Variants in NBPF11 observed in about 807,000 individuals in gnomAD.
NBPF11 encodes the protein NBPF family member NBPF11.
A neutral mutation model predicts 93.9 loss-of-function variants in NBPF11; 72 were observed. The observed-to-expected ratio is 0.77, with a 90% CI of 0.63 to 0.93. The LOEUF is 0.93. Among genes scored for constraint, NBPF11 ranks in the 40% least tolerant of loss-of-function variants. NBPF11 has a pLI of 0.00. For missense variants in NBPF11, 705 were observed against 802.2 expected (o/e 0.88, Z 1.46); for synonymous variants, 224 against 304.9 (o/e 0.73, Z 2.76).
rs1662814323 is a variant in NBPF11 at position 148,103,677 on chromosome 1, G to A, written c.*219C>T. 4.6e-5 allele frequency: 74 copies of A among 1,611,194 alleles called. 1 individual carries two copies. In the South Asian group the frequency reaches 7.3e-4, roughly 16 times the overall value. ...GGCTTAGTAAGGGCTGCTTATTGTG[G>A]GAATATGACTCCCATCTGGAAGACC... On this transcript the variant is annotated 3_prime_UTR_variant, in exon 24 of 24. Coordinates refer to ENST00000682118, the MANE Select transcript of NBPF11 (RefSeq NM_001385469.3).
chr1:148,105,721 G>C (rs1267625991), intron 21 of NBPF11, among the ~76,000 whole-genome samples, 193 bp from the exon 22 acceptor site: 7 of 96,018 alleles, frequency 7.3e-5, no homozygotes, highest in Admixed American at 2.2e-4. Context: ...GAGAAAGACA[G>C]ACACACACAC....
chr1:148,120,937 G>A (rs1179932688), intron 9 of NBPF11, among the ~76,000 whole-genome samples: 36 of 152,146 alleles, frequency 2.4e-4, no homozygotes, highest in Non-Finnish European at 3.4e-4. Context: ...TTGCTTATAC[G>A]TTTCTATAAA....
intron 3 of NBPF11, among the ~76,000 whole-genome samples, chr1:148,137,498 T>A (rs1671506730): frequency 6.6e-6 from 1 of 152,312 alleles, no homozygotes; most frequent in Non-Finnish European, 1.5e-5. Flanking sequence ...ATGACTCTGA[T>A]CAGAGAACCC....
chr1:148,127,609 T>C (rs1489911405), intron 4 of NBPF11, among the ~76,000 whole-genome samples: 1 of 129,542 alleles, frequency 7.7e-6, no homozygotes, highest in Non-Finnish European at 1.6e-5. Context: ...AATAAAAAAA[T>C]GGAATCATTT....
At chr1:148,148,806 C>A (rs1647419116) in intron 1 of NBPF11, among the ~76,000 whole-genome samples, 2 of 151,834 alleles carry the variant, frequency 1.3e-5, no homozygotes, top group African/African-American at 4.9e-5. Context: ...GATGTGGGGG[C>A]CACACAGTTC....
chr1:148,115,131 C>T (rs1666163991), intron 14 of NBPF11, among the ~76,000 whole-genome samples: 1 of 101,536 alleles, frequency 9.8e-6, no homozygotes, highest in South Asian at 3.9e-4. Flanking sequence ...TGCCACTGCA[C>T]TCCAGCCTAG....
intron 12 of NBPF11, among the ~76,000 whole-genome samples, chr1:148,116,776 C>T (rs1426029054): frequency 2.0e-5 from 3 of 152,018 alleles, no homozygotes; most frequent in African/African-American, 7.3e-5. Flanking sequence ...TTTTGCTTCC[C>T]ATATCACTGG....
Position 148,109,269 on chromosome 1 carries a change from A to G in NBPF11, c.1853+15T>C, listed in dbSNP as rs1664665174. On this transcript the variant is annotated intron_variant, in intron 17 of 23. Coordinates refer to ENST00000682118, the MANE Select transcript of NBPF11 (RefSeq NM_001385469.3). ...GTCAACATCAAATTAACTGTCCACA[A>G]TTTCTCAGACTCACCTGGGACCTGT... 4 of 811,324 alleles carry G rather than the reference A, an allele frequency of 4.9e-6. No individual in the cohort carries two copies. The highest frequency in any genetic ancestry group is 8.7e-6 in the Non-Finnish European group (4 of 461,098). The allele number at this position is 811,324 out of a possible 1,614,324, so 50.3% of individuals were successfully genotyped here. A position where few individuals can be genotyped will look rare whatever the true frequency, so the allele number is the denominator to read the frequency against.
intron 17 of NBPF11, among the ~76,000 whole-genome samples, chr1:148,108,931 G>A (rs1231558711): frequency 2.2e-4 from 33 of 150,244 alleles, no homozygotes; most frequent in Non-Finnish European, 4.3e-4. Flanking sequence ...ACACTGATGA[G>A]GGAGTCAAAG....
chr1:148,147,899 T>A (rs1293220159), intron 1 of NBPF11, among the ~76,000 whole-genome samples: 1 of 152,028 alleles, frequency 6.6e-6, no homozygotes, highest in Non-Finnish European at 1.5e-5. Context: ...CTGAGCTCTG[T>A]CTGCTCGGCC....
At chr1:148,122,672 T>G (rs1668145457) in intron 8 of NBPF11, 57 bp downstream of exon 8, 2 of 1,600,484 alleles carry the variant, frequency 1.2e-6, no homozygotes, top group South Asian at 2.2e-5. Flanking sequence ...AGGGCGTGCC[T>G]CCTAGACATT....
At position 148,120,682 on chromosome 1, in the gene NBPF11, G is replaced by A. The variant is rs1333424575; in HGVS notation, c.807C>T (p.Asn269=). 46 of 1,533,610 alleles carry A rather than the reference G, an allele frequency of 3.0e-5. 1 individual carries two copies. Among genetic ancestry groups the A allele is most frequent in the Middle Eastern group, 2.3e-4 (1 of 4,418 alleles). The part of the protein sequence containing the change: ...PVPGPTSSAT[N]VSMVVSAGPL... The stretch of plus-strand genomic sequence containing the variant: ...GGCCGGCTGATACCACCATGCTGAC[G>A]TTTGTGGCAGAAGAGGTGGGGCCAG... Residue 269 remains asparagine (N), a synonymous_variant, in exon 10 of 24, where the codon AAC becomes AAT. Transcript: ENST00000682118.
chr1:148,122,417 T>C (rs1159675465), intron 8 of NBPF11, 151 bp from the exon 9 acceptor site: 3 of 1,379,320 alleles, frequency 2.2e-6, no homozygotes, highest in Admixed American at 1.7e-5. Flanking sequence ...GGCAATCCTC[T>C]TCTCTCTGCA....
At chr1:148,123,618 T>C (rs1461747293) in intron 7 of NBPF11, among the ~76,000 whole-genome samples, 1 of 151,774 alleles carries the variant, frequency 6.6e-6, no homozygotes, top group Non-Finnish European at 1.5e-5. Flanking sequence ...AGATGCTGCC[T>C]CTTGCTCCAA....
intron 1 of NBPF11, 28 bp from the exon 2 acceptor site, chr1:148,143,714 T>C (rs1672548565): frequency 6.4e-6 from 1 of 156,336 alleles, no homozygotes; most frequent in Non-Finnish European, 1.4e-5. Context: ...GAAATCAAGG[T>C]TAACATTGAG....
chr1:148,123,221 C>A (rs1350819500), intron 7 of NBPF11, among the ~76,000 whole-genome samples: 1 of 152,054 alleles, frequency 6.6e-6, no homozygotes, highest in Non-Finnish European at 1.5e-5. Context: ...CATGAGACTG[C>A]ACAGGCCCTC....
chr1:148,123,129 T>C (rs1371665859), intron 7 of NBPF11, among the ~76,000 whole-genome samples: 1 of 152,034 alleles, frequency 6.6e-6, no homozygotes, highest in Non-Finnish European at 1.5e-5. Flanking sequence ...GGAACAGGCT[T>C]GGTGTCCTGT....
chr1:148,126,125 C>A (rs1445060613), intron 5 of NBPF11, among the ~76,000 whole-genome samples: 2 of 151,694 alleles, frequency 1.3e-5, no homozygotes, highest in African/African-American at 4.9e-5. Context: ...CTCAGCCTCC[C>A]GATTAGTGGT....
chr1:148,103,800 A>G lies in NBPF11; in HGVS notation c.*96T>C. On this transcript the variant is annotated 3_prime_UTR_variant, in exon 24 of 24. Transcript: ENST00000682118. ...TCAAATGAGTAAAACACACTTCTGT[A>G]GTGCTGGAATGAGTCAGGTAGTTCA... 1 of 1,611,918 alleles carries G rather than the reference A, an allele frequency of 6.2e-7. No homozygotes were observed. Among genetic ancestry groups the G allele is most frequent in the Non-Finnish European group, 8.5e-7 (1 of 1,179,466 alleles).
Sources: gnomAD v4.1 joint callset for allele counts (sites outside exome capture counted in the v4.1 genomes callset) on GRCh38, gnomAD v4.1.1 for gene constraint, MANE v1.5 for transcripts, NCBI Gene and HGNC (gene_info 2026-07-23, HGNC 2026-07-21) for gene names.